The following P4HA2 variants were observed in gnomAD, a reference collection of about 807,000 sequenced individuals.
P4HA2 encodes the protein prolyl 4-hydroxylase subunit alpha 2.
A neutral mutation model predicts 76.9 loss-of-function variants in P4HA2; 46 were observed. That is an observed-to-expected ratio of 0.60 (90% CI 0.47 to 0.76). The LOEUF (loss-of-function observed/expected upper bound fraction) is 0.76, where lower values mean the gene tolerates loss of function less well. Ranked by LOEUF, P4HA2 falls within the 30% of genes least tolerant of loss-of-function variation. The pLI is 0.00. For synonymous variants in P4HA2, 243 were observed against 254.0 expected (o/e 0.96, Z 0.41); for missense variants, 583 against 669.4 (o/e 0.87, Z 1.42).
intron 1 of P4HA2, among the ~76,000 whole-genome samples, chr5:132,221,616 TAG>T (rs1211463096): frequency 3.3e-5 from 5 of 152,224 alleles, no homozygotes; most frequent in South Asian, 4.1e-4. Flanking sequence ...TATGTGTATA[TAG>T]AGAGATGCAA....
chr5:132,194,950 G>A lies in P4HA2; in HGVS notation c.1507C>T (p.Pro503Ser). The A allele has an allele frequency of 1.2e-6, 2 of 1,612,792 alleles. No individual in the cohort carries two copies. The highest frequency in any genetic ancestry group is 1.1e-5 in the South Asian group (1 of 91,046). The change falls in exon 14 of 15, where the codon CCT (proline) becomes TCT (serine). Residue 503 changes from proline to serine, a missense_variant. Coordinates refer to ENST00000360568, the MANE Select transcript of P4HA2 (RefSeq NM_001017974.2). Reference sequence around the variant, plus strand: ...CCCCACTTGCAGCCCACAAGCACAGGGCAGGCAGCATGTCTTGTTCGGTAG... The same window carrying A: ...CCCCACTTGCAGCCCACAAGCACAGAGCAGGCAGCATGTCTTGTTCGGTAG... ...GDYRTRHAAC[P>S]VLVGCKWVSN...
intron 8 of P4HA2, among the ~76,000 whole-genome samples, chr5:132,206,687 T>C (rs761191620): frequency 6.6e-6 from 1 of 152,166 alleles, no homozygotes; most frequent in Non-Finnish European, 1.5e-5. Context: ...CCAACTGCAT[T>C]CTTAGCAGTA....
intron 12 of P4HA2, among the ~76,000 whole-genome samples, chr5:132,197,676 A>C (rs567234121): frequency 8.6e-5 from 13 of 151,520 alleles, no homozygotes; most frequent in African/African-American, 2.7e-4. Flanking sequence ...ATAAACCTTG[A>C]GGACATTATG....
chr5:132,219,518 T>A (rs1271597445), intron 1 of P4HA2, among the ~76,000 whole-genome samples: 2 of 151,814 alleles, frequency 1.3e-5, no homozygotes, highest in Non-Finnish European at 2.9e-5. Flanking sequence ...GCAGTAAACC[T>A]CAGTCCACAA....
In P4HA2 at chr5:132,198,373, A is replaced by G; in HGVS notation, c.1313T>C (p.Phe438Ser). Residue 438 changes from phenylalanine to serine, a missense_variant, in exon 12 of 15, where the codon TTT (phenylalanine) becomes TCT (serine). Coordinates refer to ENST00000360568, the MANE Select transcript of P4HA2 (RefSeq NM_001017974.2). ...CCCCTCTGTTTTGAGGCCGCTGTCAAAAGGTCGCTGCAACAGACAACAACT... is the reference window on the plus strand; with the variant it reads ...CCCCTCTGTTTTGAGGCCGCTGTCAGAAGGTCGCTGCAACAGACAACAACT... ...EPHFDFSRRP[F>S]DSGLKTEGNR... is the part of the protein sequence containing the mutation. The G allele has an allele frequency of 6.2e-7, 1 of 1,613,366 alleles. No homozygotes were observed. Among genetic ancestry groups the G allele is most frequent in the Non-Finnish European group, 8.5e-7 (1 of 1,180,018 alleles).
chr5:132,222,269 A>T (rs1754752847), intron 1 of P4HA2, among the ~76,000 whole-genome samples: 1 of 152,144 alleles, frequency 6.6e-6, no homozygotes, highest in Non-Finnish European at 1.5e-5. Flanking sequence ...GGCTGAAAGG[A>T]CCTGTGTGTT....
At position 132,207,785 on chromosome 5, in the gene P4HA2, T is replaced by C. The variant is rs756920372; in HGVS notation, c.1003A>G (p.Ser335Gly). The C allele has an allele frequency of 6.2e-7, 1 of 1,613,868 alleles. No individual in the cohort carries two copies. The highest frequency in any genetic ancestry group is 1.1e-5 in the South Asian group (1 of 91,042). The change falls in exon 8 of 15, where the codon AGC becomes GGC. Residue 335 changes from serine (S) to glycine (G), a missense_variant. Transcript: ENST00000360568. ...TCGTAGTACCTGACGATGTGCGGGC[T>C]GTCCCACTCGTCCTCCTCTTTGAAG... Reference protein sequence around the residue: ...APFKEEDEWDSPHIVRYYDVM... With the variant: ...APFKEEDEWDGPHIVRYYDVM...
At chr5:132,198,090 G>A in intron 12 of P4HA2, 1 of 1,500,914 alleles carries the variant, frequency 6.7e-7, no homozygotes, top group Non-Finnish European at 8.9e-7. Flanking sequence ...CTGAGAGCCA[G>A]AAGGACCTGA....
chr5:132,212,819 G>A (rs542890507), intron 5 of P4HA2, among the ~76,000 whole-genome samples: 120 of 152,282 alleles, frequency 7.9e-4, no homozygotes, highest in Non-Finnish European at 1.6e-3. Context: ...CTGAGTGAAC[G>A]TGAGAGGTCA....
At chr5:132,220,676 G>T (rs1239376260) in intron 1 of P4HA2, among the ~76,000 whole-genome samples, 1 of 152,248 alleles carries the variant, frequency 6.6e-6, no homozygotes, top group East Asian at 1.9e-4. Flanking sequence ...AATACCAGCT[G>T]TGATTTCTCT....
chr5:132,198,650 C>T (rs545208336), intron 11 of P4HA2, among the ~76,000 whole-genome samples: 8 of 152,310 alleles, frequency 5.3e-5, no homozygotes, highest in East Asian at 1.9e-4. Flanking sequence ...AGGGGACGAA[C>T]GCCCCACATC....
chr5:132,206,613 A>G (rs895339355), intron 8 of P4HA2, among the ~76,000 whole-genome samples: 1 of 152,186 alleles, frequency 6.6e-6, no homozygotes, highest in Non-Finnish European at 1.5e-5. Flanking sequence ...ATGGGGAACA[A>G]ATCTTTTATG....
At chr5:132,207,006 A>G (rs1752289536) in intron 8 of P4HA2, among the ~76,000 whole-genome samples, 1 of 152,238 alleles carries the variant, frequency 6.6e-6, no homozygotes, top group East Asian at 1.9e-4. Context: ...TAACTGTGAC[A>G]TAACACTTAA....
intron 4 of P4HA2, among the ~76,000 whole-genome samples, chr5:132,215,263 G>T (rs989174485): frequency 3.3e-5 from 5 of 152,240 alleles, no homozygotes; most frequent in Admixed American, 6.5e-5. Flanking sequence ...TCAGGGGCAA[G>T]AACTCAAAGT....
Position 132,207,760 on chromosome 5 carries a change from T to C in P4HA2, c.1028A>G (p.Asp343Gly). Residue 343 changes from aspartate to glycine, a missense_variant, in exon 8 of 15, where the codon GAT becomes GGT. Asp to Gly is a moderately conservative substitution (Grantham distance 94). Coordinates refer to ENST00000360568, the MANE Select transcript of P4HA2 (RefSeq NM_001017974.2). ...CTCGATTTCCTCATCAGACATGACATCGTAGTACCTGACGATGTGCGGGCT... is the reference window on the plus strand; with the variant it reads ...CTCGATTTCCTCATCAGACATGACACCGTAGTACCTGACGATGTGCGGGCT... ...WDSPHIVRYYDVMSDEEIERI... is the reference protein window; with the variant it reads ...WDSPHIVRYYGVMSDEEIERI... 6.2e-7 allele frequency: 1 copy of C among 1,613,996 alleles called. No homozygotes were observed. Among genetic ancestry groups the C allele is most frequent in the Non-Finnish European group, 8.5e-7 (1 of 1,179,938 alleles).
intron 5 of P4HA2, 122 bp from the exon 6 acceptor site, chr5:132,210,645 A>C (rs1282394247): frequency 1.1e-6 from 1 of 922,888 alleles, no homozygotes; most frequent in East Asian, 2.4e-5. Flanking sequence ...ACTCCATCGG[A>C]CATTTAGACT....
At chr5:132,215,790 C>T (rs761747120) in intron 4 of P4HA2, among the ~76,000 whole-genome samples, 2 of 143,586 alleles carry the variant, frequency 1.4e-5, no homozygotes, top group Non-Finnish European at 3.0e-5. Context: ...GTGCTACAAT[C>T]GCACCTGTGA....
intron 12 of P4HA2, chr5:132,197,907 C>T (rs1273622502): frequency 2.0e-5 from 12 of 612,206 alleles, no homozygotes; most frequent in Non-Finnish European, 2.5e-5. Context: ...TACCACTGAA[C>T]CGTACATTTA....
intron 6 of P4HA2, 150 bp from the exon 7 acceptor site, chr5:132,209,481 G>A (rs896862489): frequency 3.2e-5 from 22 of 698,038 alleles, no homozygotes; most frequent in African/African-American, 9.0e-5. Context: ...TACGCTGGTC[G>A]TAACTGGAAA....
Sources: gnomAD v4.1 joint callset for allele counts (sites outside exome capture counted in the v4.1 genomes callset) on GRCh38, gnomAD v4.1.1 for gene constraint, MANE v1.5 for transcripts, NCBI Gene and HGNC (gene_info 2026-07-23, HGNC 2026-07-21) for gene names.